MACROD2: variants seen among roughly 807,000 people sequenced by gnomAD.
MACROD2 encodes the protein ADP-ribose glycohydrolase MACROD2.
A neutral mutation model predicts 70.4 loss-of-function variants in MACROD2; 36 were observed. The observed-to-expected ratio is 0.51, with a 90% confidence interval of 0.39 to 0.68. The LOEUF is 0.68. MACROD2 is among the 30% of genes least tolerant of loss of function. The probability of loss-of-function intolerance (pLI) is 0.00; values close to 1 mark genes in which losing one functional copy is unlikely to be tolerated. For missense variants in MACROD2, 496 were observed against 538.4 expected (o/e 0.92, Z 0.78); for synonymous variants, 172 against 178.8 (o/e 0.96, Z 0.30).
intron 8 of MACROD2, among the ~76,000 whole-genome samples, chr20:15,833,201 T>C (rs1247134790): frequency 6.6e-6 from 1 of 152,222 alleles, no homozygotes; most frequent in Non-Finnish European, 1.5e-5. Context: ...TCATTGTTAA[T>C]GACTATAATT....
chr20:15,409,429 G>A, intron 6 of MACROD2, among the ~76,000 whole-genome samples: 1 of 152,202 alleles, frequency 6.6e-6, no homozygotes, highest in South Asian at 2.1e-4. Flanking sequence ...TCAGAGTGTA[G>A]CAATGGAATG....
chr20:15,317,505 CT>C (rs942586427), intron 6 of MACROD2, among the ~76,000 whole-genome samples: 2 of 146,748 alleles, frequency 1.4e-5, no homozygotes, highest in Non-Finnish European at 1.5e-5. Flanking sequence ...ATCTATCTAT[CT>C]ATCTATCTAT....
intron 8 of MACROD2, among the ~76,000 whole-genome samples, chr20:15,837,441 A>G (rs915358537): frequency 3.9e-5 from 6 of 152,108 alleles, no homozygotes; most frequent in African/African-American, 1.4e-4. Flanking sequence ...ATCTACCTCC[A>G]ACATGAGCCT....
chr20:14,373,289 A>G (rs2083343073), intron 3 of MACROD2, among the ~76,000 whole-genome samples: 1 of 152,172 alleles, frequency 6.6e-6, no homozygotes, highest in Admixed American at 6.5e-5. Flanking sequence ...TATAATATGT[A>G]TGTTTAATTT....
chr20:14,839,013 A>C (rs770565256), intron 5 of MACROD2, among the ~76,000 whole-genome samples: 1 of 152,046 alleles, frequency 6.6e-6, no homozygotes, highest in Non-Finnish European at 1.5e-5. Flanking sequence ...AGCTATCTCG[A>C]AACAGAAGAA....
intron 5 of MACROD2, among the ~76,000 whole-genome samples, chr20:15,221,045 T>G (rs948349133): frequency 6.6e-5 from 10 of 152,208 alleles, no homozygotes; most frequent in Admixed American, 2.6e-4. Context: ...TTGACCCATC[T>G]GCACATTTCA....
At chr20:16,044,533 T>A in intron 16 of MACROD2, 38 bp from the exon 17 acceptor site, 1 of 1,561,162 alleles carries the variant, frequency 6.4e-7, no homozygotes, top group Non-Finnish European at 8.8e-7. Context: ...GATTTAGGTT[T>A]AATGAATATT....
rs139564016 is a variant in MACROD2, at chr20:15,544,930, A to G, written c.645+45083A>G. Among the ~76,000 whole-genome samples, 696 of 152,320 alleles carry G rather than the reference A, an allele frequency of 4.6e-3. 1 individual carries two copies. Among genetic ancestry groups the G allele is most frequent in the Middle Eastern group, 0.02 (6 of 294 alleles). ...TCTGGGCTTGTATGCCCTCATTTCC[A>G]GGCCGCATTCCTCAGAGGGGCCCTG... On this transcript the variant is annotated intron_variant, in intron 8 of 17. Transcript: ENST00000684519.
intron 6 of MACROD2, among the ~76,000 whole-genome samples, chr20:15,279,903 A>G (rs1233480714): frequency 6.6e-6 from 1 of 152,204 alleles, no homozygotes; most frequent in African/African-American, 2.4e-5. Context: ...TGGTAATTAC[A>G]TCTAAGGACA....
rs565015343 is a variant in MACROD2, at chr20:15,333,681, C to T, written c.541-97724C>T. ...CCTCATATGTACAATGGAGATAAAA[C>T]AACAGTAATTTCCTCAAAGGCGTGT... On this transcript the variant is annotated intron_variant, in intron 6 of 17. Coordinates refer to ENST00000684519, the MANE Select transcript of MACROD2 (RefSeq NM_001351661.2). Among the ~76,000 whole-genome samples the T allele has an allele frequency of 3.3e-5, 5 of 151,612 alleles. No individual in the cohort carries two copies. In the South Asian group the frequency reaches 8.3e-4, roughly 25 times the overall value.
chr20:14,127,378 C>G, intron 3 of MACROD2: 1 of 383,880 alleles, frequency 2.6e-6, no homozygotes, highest in Non-Finnish European at 4.8e-6. Context: ...GCTGAGGCTG[C>G]CTCAGAACCC....
intron 8 of MACROD2, among the ~76,000 whole-genome samples, chr20:15,681,714 A>AT (rs1371104162): frequency 4.6e-5 from 7 of 152,094 alleles, no homozygotes; most frequent in African/African-American, 1.4e-4. Flanking sequence ...ATTCAATTAC[A>AT]TTTTTTGTTC....
chr20:15,864,547 G>A (rs1374554012), intron 9 of MACROD2, among the ~76,000 whole-genome samples: 1 of 152,022 alleles, frequency 6.6e-6, no homozygotes, highest in African/African-American at 2.4e-5. Flanking sequence ...TGATCTAATT[G>A]ATATTGAAAC....
chr20:15,453,743 C>T (rs559886315), intron 7 of MACROD2, among the ~76,000 whole-genome samples: 2 of 152,100 alleles, frequency 1.3e-5, no homozygotes, highest in African/African-American at 2.4e-5. Context: ...TAAAGAATAC[C>T]GCCCAGAGAA....
chr20:15,879,373 G>A (rs910383505), intron 9 of MACROD2, among the ~76,000 whole-genome samples: 1 of 147,356 alleles, frequency 6.8e-6, no homozygotes, highest in African/African-American at 2.7e-5. Context: ...AAAAATTCTT[G>A]CTAGCAATTT....
At chr20:15,576,237 A>AC (rs2048445677) in intron 8 of MACROD2, among the ~76,000 whole-genome samples, 1 of 151,962 alleles carries the variant, frequency 6.6e-6, no homozygotes, top group African/African-American at 2.4e-5. Flanking sequence ...CAATCTCATC[A>AC]CCCCCCAAAA....
intron 5 of MACROD2, chr20:14,894,786 T>TTG (rs957995637): frequency 1.1e-4 from 17 of 152,234 alleles, no homozygotes; most frequent in African/African-American, 3.6e-4. Context: ...ATTTCAGATC[T>TTG]TGTGTGTGTG....
At chr20:15,367,695 T>G (rs2045431317) in intron 6 of MACROD2, among the ~76,000 whole-genome samples, 1 of 152,162 alleles carries the variant, frequency 6.6e-6, no homozygotes, top group Non-Finnish European at 1.5e-5. Context: ...AAGATTTTTT[T>G]GTTTGCTTTG....
intron 3 of MACROD2, among the ~76,000 whole-genome samples, chr20:14,271,475 A>G (rs956707785): frequency 4.6e-5 from 7 of 152,360 alleles, no homozygotes; most frequent in African/African-American, 1.7e-4. Context: ...AAGGACATCC[A>G]CACCAAAAAC....
Sources: allele counts gnomAD v4.1 joint callset (sites outside exome capture counted in the v4.1 genomes callset), GRCh38; gene constraint gnomAD v4.1.1; transcripts MANE v1.5; gene names NCBI Gene and HGNC (gene_info 2026-07-23, HGNC 2026-07-21).